CCDC149: variants seen among roughly 807,000 people sequenced by gnomAD.
CCDC149 encodes coiled-coil domain-containing protein 149.
CCDC149 carries 45 observed loss-of-function variants against 59.9 expected under a neutral mutation model. The observed-to-expected ratio is 0.75, with a 90% CI of 0.59 to 0.96. CCDC149 has a LOEUF of 0.96. Among genes scored for constraint, CCDC149 ranks in the 40% least tolerant of loss-of-function variants. The pLI, the probability that CCDC149 is intolerant of heterozygous loss-of-function variation, is 0.00. For synonymous variants in CCDC149, 245 were observed against 260.6 expected (o/e 0.94, Z 0.58); for missense variants, 584 against 664.7 (o/e 0.88, Z 1.33).
intron 4 of CCDC149, among the ~76,000 whole-genome samples, chr4:24,838,562 C>T (rs574260961): frequency 7.9e-5 from 12 of 152,052 alleles, no homozygotes; most frequent in African/African-American, 2.7e-4. Flanking sequence ...TAAAATTTAG[C>T]GAAGATTCAA....
At chr4:24,868,997 T>G (rs1718862796) in intron 3 of CCDC149, among the ~76,000 whole-genome samples, 1 of 152,250 alleles carries the variant, frequency 6.6e-6, no homozygotes, top group Admixed American at 6.5e-5. Flanking sequence ...TGAGGTCATC[T>G]ACAGCAAAAT....
At position 24,838,201 on chromosome 4, in the gene CCDC149, A is replaced by C. The variant is rs958852201; in HGVS notation, c.444T>G (p.His148Gln). Residue 148 changes from histidine to glutamine, a missense_variant, in exon 5 of 13, where the codon CAT becomes CAG. Physicochemically the swap from His to Gln is conservative, Grantham distance 24 (BLOSUM62 0). Transcript: ENST00000635206. The stretch of plus-strand genomic sequence containing the variant: ...GCTGCTGCACCAAGTCTTCACGCTC[A>C]TGGGCTGCAAAGTGTCGCACGCCGA... 8.7e-6 allele frequency: 14 copies of C among 1,614,064 alleles called. No homozygotes were observed. The Admixed American group carries it at 1.3e-4, about 15-fold the overall frequency.
chr4:24,875,305 G>A (rs1006949250), intron 2 of CCDC149, among the ~76,000 whole-genome samples: 2 of 151,622 alleles, frequency 1.3e-5, no homozygotes, highest in African/African-American at 4.9e-5. Flanking sequence ...ACTCCAGCCT[G>A]GGCCACAGAG....
intron 1 of CCDC149, among the ~76,000 whole-genome samples, chr4:24,926,553 C>T (rs1393845299): frequency 1.3e-4 from 20 of 152,208 alleles, no homozygotes; most frequent in Non-Finnish European, 2.9e-4. Flanking sequence ...TTTTCTGTTA[C>T]AAATGCCTCC....
At chr4:24,954,413 G>A (rs994315173) in intron 1 of CCDC149, among the ~76,000 whole-genome samples, 27 of 152,218 alleles carry the variant, frequency 1.8e-4, no homozygotes, top group African/African-American at 5.5e-4. Context: ...CTCTGCCTCC[G>A]TGGTAGGTCT....
At chr4:24,920,870 C>T (rs1722265233) in intron 1 of CCDC149, among the ~76,000 whole-genome samples, 1 of 152,134 alleles carries the variant, frequency 6.6e-6, no homozygotes, top group South Asian at 2.1e-4. Context: ...TCAGGGGTCA[C>T]TTAAGCCAAA....
At chr4:24,852,562 C>T (rs555104974) in intron 4 of CCDC149, among the ~76,000 whole-genome samples, 3 of 152,212 alleles carry the variant, frequency 2.0e-5, no homozygotes, top group Admixed American at 6.5e-5. Context: ...TTATAATTAA[C>T]GTTGCCAACA....
chr4:24,825,366 C>T (rs1026699904), intron 9 of CCDC149, among the ~76,000 whole-genome samples: 21 of 152,294 alleles, frequency 1.4e-4, no homozygotes, highest in Middle Eastern at 3.4e-3. Context: ...ACAACTGATG[C>T]GTCAGCTCTT....
intron 3 of CCDC149, among the ~76,000 whole-genome samples, chr4:24,866,940 G>A (rs1414376278): frequency 6.6e-6 from 1 of 152,110 alleles, no homozygotes; most frequent in East Asian, 1.9e-4. Context: ...TAAGCAGAGA[G>A]CTTTGAACAA....
At chr4:24,828,461 T>G (rs1274123229) in intron 9 of CCDC149, 1 of 152,026 alleles carries the variant, frequency 6.6e-6, no homozygotes, top group African/African-American at 2.4e-5. Flanking sequence ...ACATTGTTAT[T>G]TAACCTTAAA....
chr4:24,885,721 C>T (rs965736108), intron 1 of CCDC149, among the ~76,000 whole-genome samples: 1 of 152,210 alleles, frequency 6.6e-6, no homozygotes, highest in Non-Finnish European at 1.5e-5. Context: ...TTTTGCTCTT[C>T]AGTCAAGACA....
intron 12 of CCDC149, among the ~76,000 whole-genome samples, chr4:24,816,653 A>G (rs184943550): frequency 2.7e-4 from 41 of 152,318 alleles, no homozygotes; most frequent in Non-Finnish European, 4.3e-4. Flanking sequence ...TAAAAATAAT[A>G]GTAATTATTC....
chr4:24,809,781 T>C (rs1714477944), intron 12 of CCDC149, among the ~76,000 whole-genome samples: 1 of 152,218 alleles, frequency 6.6e-6, no homozygotes, highest in Admixed American at 6.5e-5. Context: ...CTGGTACCCC[T>C]GAATGGAACC....
chr4:24,883,202 TC>T (rs1211713406), intron 1 of CCDC149, among the ~76,000 whole-genome samples: 5 of 71,532 alleles, frequency 7.0e-5, no homozygotes, highest in African/African-American at 1.7e-4. Context: ...TGTTTTCTTT[TC>T]TTTTTTTTTT....
intron 1 of CCDC149, among the ~76,000 whole-genome samples, chr4:24,911,158 C>T (rs1012572708): frequency 8.5e-5 from 13 of 152,144 alleles, no homozygotes; most frequent in African/African-American, 3.1e-4. Context: ...AATAAAGAAC[C>T]AAACAAAGCA....
intron 1 of CCDC149, among the ~76,000 whole-genome samples, chr4:24,908,050 C>G (rs1415122968): frequency 6.6e-6 from 1 of 152,154 alleles, no homozygotes; most frequent in Non-Finnish European, 1.5e-5. Flanking sequence ...TGGATTAGAG[C>G]CCACCCAAGA....
At chr4:24,834,617 G>A (rs1716373217) in intron 8 of CCDC149, among the ~76,000 whole-genome samples, 2 of 152,148 alleles carry the variant, frequency 1.3e-5, no homozygotes, top group African/African-American at 2.4e-5. Flanking sequence ...ATGCCCAAAT[G>A]GGGTCTAGTG....
At chr4:24,845,279 C>T (rs1242511817) in intron 4 of CCDC149, among the ~76,000 whole-genome samples, 1 of 152,228 alleles carries the variant, frequency 6.6e-6, no homozygotes, top group African/African-American at 2.4e-5. Flanking sequence ...CTATATCTGA[C>T]CCTTCCCACC....
At position 24,836,507 on chromosome 4, in the gene CCDC149, AC is replaced by A; in HGVS notation, c.663del (p.Arg221SerfsTer7). On this transcript the variant is annotated frameshift_variant and splice_region_variant, in exon 7 of 13. Coordinates refer to ENST00000635206, the MANE Select transcript of CCDC149 (RefSeq NM_001330643.2). LOFTEE classifies it high-confidence loss of function. ...AGTTGCTTTAATCTCTCTTGAAGGT[AC>A]CTGAAAAAGAATACATAAAACTAGG... 2 of 1,602,270 alleles carry A rather than the reference AC, an allele frequency of 1.2e-6. No homozygotes were observed. Among genetic ancestry groups the A allele is most frequent in the Non-Finnish European group, 1.7e-6 (2 of 1,169,956 alleles).
Sources: allele counts gnomAD v4.1 joint callset (sites outside exome capture counted in the v4.1 genomes callset), GRCh38; gene constraint gnomAD v4.1.1; transcripts MANE v1.5; gene names NCBI Gene and HGNC (gene_info 2026-07-23, HGNC 2026-07-21).